The following PIK3C2A variants were observed in gnomAD, a reference collection of about 807,000 sequenced individuals.
PIK3C2A encodes the protein phosphatidylinositol-4-phosphate 3-kinase catalytic subunit type 2 alpha.
PIK3C2A carries 97 observed loss-of-function variants against 204.5 expected under a neutral mutation model. That is an observed-to-expected ratio of 0.47 (90% CI 0.40 to 0.56). The LOEUF (loss-of-function observed/expected upper bound fraction) is 0.56. Ranked by LOEUF, PIK3C2A falls within the 20% of genes least tolerant of loss-of-function variation. PIK3C2A has a pLI of 0.00. For missense variants in PIK3C2A, 1,735 were observed against 1,969.2 expected (o/e 0.88, Z 2.25); for synonymous variants, 653 against 664.4 (o/e 0.98, Z 0.26).
At chr11:17,196,840 G>A (rs1274872755) in intron 1 of PIK3C2A, among the ~76,000 whole-genome samples, 1 of 152,102 alleles carries the variant, frequency 6.6e-6, no homozygotes, top group Non-Finnish European at 1.5e-5. Flanking sequence ...AAAGTGCTGG[G>A]ATTACAGGCG....
chr11:17,176,325 A>G (rs980980652), intron 1 of PIK3C2A, among the ~76,000 whole-genome samples: 10 of 150,654 alleles, frequency 6.6e-5, no homozygotes, highest in Admixed American at 3.3e-4. Flanking sequence ...ATATTATACC[A>G]CCATTAAAAA....
At chr11:17,104,790 A>AATTC (rs1347680776) in intron 23 of PIK3C2A, among the ~76,000 whole-genome samples, 2 of 151,832 alleles carry the variant, frequency 1.3e-5, no homozygotes, top group Non-Finnish European at 2.9e-5. Context: ...ACGGGACCTG[A>AATTC]ATTCAAACCC....
At chr11:17,150,463 A>G in intron 4 of PIK3C2A, 35 bp downstream of exon 4, 1 of 1,537,142 alleles carries the variant, frequency 6.5e-7, no homozygotes, top group Non-Finnish European at 8.7e-7. Flanking sequence ...CCCCTAACAG[A>G]GCAAAACGAG....
intron 2 of PIK3C2A, among the ~76,000 whole-genome samples, chr11:17,160,141 G>C (rs940137232): frequency 1.3e-5 from 2 of 152,124 alleles, no homozygotes; most frequent in African/African-American, 2.4e-5. Flanking sequence ...ACAGCATCTC[G>C]AGCATAGACA....
At chr11:17,097,036 G>A (rs906030660) in intron 27 of PIK3C2A, 21 bp downstream of exon 27, 2 of 1,338,048 alleles carry the variant, frequency 1.5e-6, no homozygotes, top group Non-Finnish European at 2.1e-6. Flanking sequence ...GATTGTTTAT[G>A]AATATTGAAA....
At chr11:17,121,274 T>C (rs1849358606) in intron 15 of PIK3C2A, among the ~76,000 whole-genome samples, 1 of 151,392 alleles carries the variant, frequency 6.6e-6, no homozygotes, top group African/African-American at 2.4e-5. Flanking sequence ...CACAACACTG[T>C]GCCTGGCTAC....
intron 1 of PIK3C2A, among the ~76,000 whole-genome samples, chr11:17,177,134 T>C (rs1281322646): frequency 6.6e-6 from 1 of 152,226 alleles, no homozygotes; most frequent in Admixed American, 6.5e-5. Flanking sequence ...GGTAAGTGTC[T>C]AAATTAGTAT....
rs766602513 is a variant in PIK3C2A, at chr11:17,087,629, TTTTGTTTG to T, written c.*2101_*2108del. 2 of 152,118 alleles carry T rather than the reference TTTTGTTTG, an allele frequency of 1.3e-5. No homozygotes were observed. Among genetic ancestry groups the T allele is most frequent in the African/African-American group, 4.8e-5 (2 of 41,448 alleles). 9.4% of individuals were successfully genotyped at this position (152,118 alleles called of 1,614,324 possible). A position where few individuals can be genotyped will look rare whatever the true frequency, so the allele number is the denominator to read the frequency against. On this transcript the variant is annotated 3_prime_UTR_variant, in exon 33 of 33. Transcript: ENST00000691414. ...AATTAACGACCTCTACCAAGACAGT[TTTTGTTTG>T]TTTGTTTGTTTTTAAATTACAGTGG...
At chr11:17,164,443 A>G (rs1850883466) in intron 2 of PIK3C2A, among the ~76,000 whole-genome samples, 1 of 151,896 alleles carries the variant, frequency 6.6e-6, no homozygotes, top group South Asian at 2.1e-4. Flanking sequence ...ATGGGGTTTG[A>G]TTAGAGTATA....
chr11:17,198,679 C>T (rs1281593698), intron 1 of PIK3C2A, among the ~76,000 whole-genome samples: 1 of 152,116 alleles, frequency 6.6e-6, no homozygotes, highest in African/African-American at 2.4e-5. Flanking sequence ...GTACTCCCAC[C>T]TACTCTGGAG....
intron 1 of PIK3C2A, among the ~76,000 whole-genome samples, chr11:17,200,185 CAA>C (rs79594642): frequency 3.8e-5 from 3 of 79,958 alleles, no homozygotes. Context: ...GACTGCATTT[CAA>C]AAAAAAAAAA....
intron 8 of PIK3C2A, among the ~76,000 whole-genome samples, chr11:17,140,175 G>C (rs1357688366): frequency 6.6e-6 from 1 of 152,116 alleles, no homozygotes; most frequent in Non-Finnish European, 1.5e-5. Flanking sequence ...AGCTACCTGA[G>C]AAGCTGAGGT....
chr11:17,134,966 T>C lies in PIK3C2A; in HGVS notation c.1961A>G (p.Asp654Gly). Residue 654 changes from aspartate (D) to glycine (G), a missense_variant, in exon 11 of 33, where the codon GAT (aspartate) becomes GGT (glycine). This residue lies in a region of PIK3C2A where 567 missense variants were observed against 576.0 expected (regional missense o/e 0.98). Coordinates refer to ENST00000691414, the MANE Select transcript of PIK3C2A (RefSeq NM_002645.4). Reference sequence around the variant, plus strand: ...AGAATTTGCATGGAGTCTGAGAAGATCATAAATTGCTGCAGTTAATTGGTT... The same window carrying C: ...AGAATTTGCATGGAGTCTGAGAAGACCATAAATTGCTGCAGTTAATTGGTT... ...SINQLTAAIYDLLRLHANSGR... is the reference protein window; with the variant it reads ...SINQLTAAIYGLLRLHANSGR... 1.9e-6 allele frequency: 3 copies of C among 1,614,116 alleles called. No individual in the cohort carries two copies. The highest frequency in any genetic ancestry group is 2.5e-6 in the Non-Finnish European group (3 of 1,179,988).
chr11:17,138,855 T>C (rs1004710531), intron 8 of PIK3C2A, among the ~76,000 whole-genome samples: 1 of 152,166 alleles, frequency 6.6e-6, no homozygotes, highest in African/African-American at 2.4e-5. Context: ...TGCCAATTCC[T>C]GCCTTAGAGT....
chr11:17,195,670 G>A (rs1185725888), intron 1 of PIK3C2A, among the ~76,000 whole-genome samples: 9 of 151,946 alleles, frequency 5.9e-5, no homozygotes, highest in Non-Finnish European at 1.0e-4. Context: ...TTGAACCCAG[G>A]AGGCGGAGGT....
At chr11:17,184,576 TA>T (rs1262886914) in intron 1 of PIK3C2A, among the ~76,000 whole-genome samples, 9 of 152,068 alleles carry the variant, frequency 5.9e-5, no homozygotes, top group South Asian at 2.1e-4. Flanking sequence ...CGTCAGAAGT[TA>T]AAAAAAATTA....
intron 32 of PIK3C2A, among the ~76,000 whole-genome samples, chr11:17,090,315 A>C (rs1402791350): frequency 1.3e-5 from 2 of 152,048 alleles, no homozygotes; most frequent in Non-Finnish European, 2.9e-5. Flanking sequence ...TAAAAATACA[A>C]AATCAGCCAG....
chr11:17,165,598 A>G (rs1850915562), intron 2 of PIK3C2A, among the ~76,000 whole-genome samples: 1 of 151,888 alleles, frequency 6.6e-6, no homozygotes, highest in Non-Finnish European at 1.5e-5. Flanking sequence ...CAACATGGAG[A>G]AACCGCGTCT....
chr11:17,188,049 G>A (rs1269436077), intron 1 of PIK3C2A, among the ~76,000 whole-genome samples: 4 of 152,032 alleles, frequency 2.6e-5, no homozygotes, highest in Non-Finnish European at 4.4e-5. Flanking sequence ...TAAATACGGG[G>A]ATTTTGGGCC....
Sources: gnomAD v4.1 joint callset for allele counts (sites outside exome capture counted in the v4.1 genomes callset) on GRCh38, gnomAD v4.1.1 for gene constraint, gnomAD v4.1.1 regional missense constraint, MANE v1.5 for transcripts, NCBI Gene and HGNC (gene_info 2026-07-23, HGNC 2026-07-21) for gene names.